Variants in TESC observed in about 807,000 individuals in gnomAD.
The protein encoded by TESC is tescalcin.
Under a neutral mutation model 31.0 loss-of-function variants are expected in TESC, and 19 were observed. That is an observed-to-expected ratio of 0.61 (90% CI 0.43 to 0.90). TESC has a LOEUF of 0.90. TESC is among the 40% of genes least tolerant of loss of function. The pLI is 0.00. For synonymous variants in TESC, 109 were observed against 114.8 expected, an observed-to-expected ratio of 0.95 and a Z score of 0.32; for missense variants, 248 against 303.8, an observed-to-expected ratio of 0.82 and a Z score of 1.36.
intron 1 of TESC, among the ~76,000 whole-genome samples, chr12:117,088,547 G>T (rs998609412): frequency 6.6e-6 from 1 of 152,140 alleles, no homozygotes; most frequent in African/African-American, 2.4e-5. Flanking sequence ...TGGGCGTGGC[G>T]GCGCATGCCT....
At chr12:117,047,701 G>A (rs1352030935) in intron 4 of TESC, among the ~76,000 whole-genome samples, 2 of 152,052 alleles carry the variant, frequency 1.3e-5, no homozygotes, top group Non-Finnish European at 2.9e-5. Context: ...TGGGATTACA[G>A]GTGTGAGCCA....
chr12:117,079,883 T>C (rs1955122872), intron 1 of TESC, among the ~76,000 whole-genome samples: 1 of 152,240 alleles, frequency 6.6e-6, no homozygotes, highest in South Asian at 2.1e-4. Flanking sequence ...TCTCATGGTG[T>C]GTGAATTATA....
chr12:117,071,492 A>G lies in TESC; in HGVS notation c.128+3779T>C, dbSNP rs371743443. On this transcript the variant is annotated intron_variant, in intron 2 of 7. Transcript: ENST00000335209. ...GAAATGTGGTCCACACTGAGGCCTC[A>G]GCAAAGCAGAAGCCAGCATCTACAC... 2.2e-3 allele frequency among the ~76,000 whole-genome samples: 340 copies of G among 151,988 alleles called. 3 individuals are homozygous for G. The highest frequency in any genetic ancestry group is 0.014 in the Middle Eastern group (4 of 294).
At chr12:117,048,187 G>A (rs1052378303) in intron 4 of TESC, among the ~76,000 whole-genome samples, 2 of 152,180 alleles carry the variant, frequency 1.3e-5, no homozygotes, top group East Asian at 1.9e-4. Flanking sequence ...AAGTTAAGGC[G>A]TTTGCCCACG....
intron 3 of TESC, among the ~76,000 whole-genome samples, chr12:117,055,210 C>T (rs554598172): frequency 6.6e-6 from 1 of 152,268 alleles, no homozygotes; most frequent in South Asian, 2.1e-4. Context: ...GGTGCAATCT[C>T]GACTTACTGC....
At chr12:117,046,736 G>A (rs1329259045) in intron 5 of TESC, 41 bp downstream of exon 5, 2 of 1,554,456 alleles carry the variant, frequency 1.3e-6, no homozygotes, top group Non-Finnish European at 1.7e-6. Context: ...AGAGGGGGAA[G>A]GCACCAGGAG....
At chr12:117,041,195 C>T (rs1314271870) in intron 7 of TESC, among the ~76,000 whole-genome samples, 1 of 152,204 alleles carries the variant, frequency 6.6e-6, no homozygotes, top group Non-Finnish European at 1.5e-5. Context: ...AGTGGGCGGC[C>T]GCTTTACGAA....
chr12:117,091,180 C>G (rs1008507810), intron 1 of TESC, among the ~76,000 whole-genome samples: 3 of 152,216 alleles, frequency 2.0e-5, no homozygotes, highest in Non-Finnish European at 4.4e-5. Flanking sequence ...TAAGCTGGAG[C>G]AGGCAACAGG....
chr12:117,039,724 C>T (rs529753884), intron 7 of TESC, among the ~76,000 whole-genome samples: 1 of 152,342 alleles, frequency 6.6e-6, no homozygotes, highest in African/African-American at 2.4e-5. Context: ...GTGGTCTTTA[C>T]AACCTCCCTG....
chr12:117,067,904 T>G (rs1253956427), intron 2 of TESC, among the ~76,000 whole-genome samples: 2 of 152,124 alleles, frequency 1.3e-5, no homozygotes, highest in Non-Finnish European at 1.5e-5. Context: ...CCCGTGCTTT[T>G]TTTTCTTTTT....
At chr12:117,075,225 C>A (rs1192324298) in intron 2 of TESC, 46 bp downstream of exon 2, 1 of 1,581,042 alleles carries the variant, frequency 6.3e-7, no homozygotes, top group East Asian at 2.3e-5. Flanking sequence ...AAGAAATTTG[C>A]AAGGGCATGG....
chr12:117,099,151 C>A lies in TESC; in HGVS notation c.58+74G>T, dbSNP rs1483997378. The A allele has an allele frequency of 4.3e-6, 6 of 1,410,712 alleles. No homozygotes were observed. In the Admixed American group the frequency reaches 1.8e-4, roughly 42 times the overall value. The allele number at this position is 1,410,712 out of a possible 1,614,324, so 87.4% of individuals were successfully genotyped here. A position where few individuals can be genotyped will look rare whatever the true frequency, so the allele number is the denominator to read the frequency against. On this transcript the variant is annotated intron_variant, in intron 1 of 7. Coordinates refer to ENST00000335209, the MANE Select transcript of TESC (RefSeq NM_017899.4). ...GGCCCAAGGTCACACAGCGCGGCGG[C>A]GGGCCGGGGTCCCCAACAGTGGCCG...
chr12:117,049,041 C>T lies in TESC; in HGVS notation c.327G>A (p.Leu109=). 1 of 1,614,222 alleles carries T rather than the reference C, an allele frequency of 6.2e-7. No individual in the cohort carries two copies. The highest frequency in any genetic ancestry group is 8.5e-7 in the Non-Finnish European group (1 of 1,180,028). ...CACATCTCAGCTTCTCCTTCCGGGACAGCTCCACCTGTTCCTCGTCCATGG... is the reference window on the plus strand; with the variant it reads ...CACATCTCAGCTTCTCCTTCCGGGATAGCTCCACCTGTTCCTCGTCCATGG... The part of the protein sequence containing the change: ...DTTMDEEQVE[L]SRKEKLRFLF... The change falls in exon 4 of 8, where the codon CTG becomes CTA. Residue 109 remains leucine, a synonymous_variant. Transcript: ENST00000335209.
intron 1 of TESC, among the ~76,000 whole-genome samples, chr12:117,081,189 G>T (rs981523787): frequency 2.6e-5 from 4 of 152,288 alleles, no homozygotes; most frequent in African/African-American, 9.6e-5. Context: ...GCCCTTGAAG[G>T]TGGTAAGCCC....
intron 1 of TESC, among the ~76,000 whole-genome samples, chr12:117,076,056 G>C (rs1955071231): frequency 6.8e-6 from 1 of 147,890 alleles, no homozygotes; most frequent in African/African-American, 2.5e-5. Context: ...GACTCAAGCA[G>C]TCTGCCCGCC....
intron 1 of TESC, among the ~76,000 whole-genome samples, chr12:117,087,447 G>T (rs1305234025): frequency 6.6e-6 from 1 of 152,172 alleles, no homozygotes; most frequent in Admixed American, 6.5e-5. Flanking sequence ...TAGGATCTCT[G>T]CGGGTTTTTT....
intron 4 of TESC, among the ~76,000 whole-genome samples, chr12:117,047,203 G>A (rs911298682): frequency 2.0e-5 from 3 of 152,214 alleles, no homozygotes; most frequent in African/African-American, 4.8e-5. Context: ...ACGGTGTCGA[G>A]TTCAAAATAT....
chr12:117,050,357 G>A (rs548350372), intron 3 of TESC, among the ~76,000 whole-genome samples: 2 of 152,172 alleles, frequency 1.3e-5, no homozygotes, highest in Non-Finnish European at 2.9e-5. Context: ...ACCTCTGCTC[G>A]CTCTCACTAG....
At chr12:117,056,951 T>C in intron 2 of TESC, 65 bp from the exon 3 acceptor site, 1 of 1,531,796 alleles carries the variant, frequency 6.5e-7, no homozygotes, top group Non-Finnish European at 9.0e-7. Context: ...TCAGCTGGCA[T>C]TTTCATCCTG....
Sources: allele counts gnomAD v4.1 joint callset (sites outside exome capture counted in the v4.1 genomes callset), GRCh38; gene constraint gnomAD v4.1.1; transcripts MANE v1.5; gene names NCBI Gene and HGNC (gene_info 2026-07-23, HGNC 2026-07-21).